ARHGAP28: variants seen among roughly 807,000 people sequenced by gnomAD.
The protein encoded by ARHGAP28 is Rho GTPase activating protein 28, also known as rho GTPase-activating protein 28.
ARHGAP28 carries 56 observed loss-of-function variants against 90.7 expected under a neutral mutation model. The observed-to-expected ratio is 0.62, with a 90% CI of 0.50 to 0.77. The LOEUF (loss-of-function observed/expected upper bound fraction) is 0.77, where lower values mean the gene tolerates loss of function less well. Among genes scored for constraint, ARHGAP28 ranks in the 30% least tolerant of loss-of-function variants. The pLI, the probability that ARHGAP28 is intolerant of heterozygous loss-of-function variation, is 0.00. For synonymous variants in ARHGAP28, 308 were observed against 323.3 expected, an observed-to-expected ratio of 0.95 and a Z score of 0.51; for missense variants, 869 against 900.9, an observed-to-expected ratio of 0.96 and a Z score of 0.45.
chr18:6,819,237 T>G (rs774664463), intron 1 of ARHGAP28, among the ~76,000 whole-genome samples: 1 of 152,182 alleles, frequency 6.6e-6, no homozygotes, highest in Admixed American at 6.5e-5. Flanking sequence ...ATATCTGTTA[T>G]GTTTACAATG....
intron 16 of ARHGAP28, among the ~76,000 whole-genome samples, chr18:6,908,088 A>C (rs1360330632): frequency 6.6e-6 from 1 of 151,684 alleles, no homozygotes; most frequent in East Asian, 1.9e-4. Context: ...GTTTCCTGTG[A>C]CTTGCTTTTA....
At chr18:6,833,891 A>C (rs1208792806) in intron 2 of ARHGAP28, among the ~76,000 whole-genome samples, 1 of 152,074 alleles carries the variant, frequency 6.6e-6, no homozygotes. Context: ...TTTTACTGTC[A>C]TTTATTTTGA....
intron 1 of ARHGAP28, among the ~76,000 whole-genome samples, chr18:6,748,237 C>A (rs1455540837): frequency 2.0e-5 from 3 of 152,188 alleles, no homozygotes; most frequent in Non-Finnish European, 1.5e-5. Flanking sequence ...GTTCAACGAA[C>A]CAGTTACTGC....
intron 3 of ARHGAP28, among the ~76,000 whole-genome samples, chr18:6,841,123 C>CTCTCTCTCTCCTCTCTCACTG (rs1567966222): frequency 3.3e-5 from 5 of 149,844 alleles, no homozygotes; most frequent in Non-Finnish European, 7.4e-5. Flanking sequence ...CTTCTCTTCT[C>CTCTCTCTCTCCTCTCTCACTG]TCTCTCTCTC....
intron 1 of ARHGAP28, among the ~76,000 whole-genome samples, chr18:6,773,067 T>C (rs1383869978): frequency 3.3e-5 from 5 of 152,238 alleles, no homozygotes; most frequent in Non-Finnish European, 7.3e-5. Context: ...GCACCTGTAT[T>C]CATTCACTAA....
At chr18:6,860,022 G>A (rs2056985668) in intron 5 of ARHGAP28, 125 bp downstream of exon 5, 3 of 789,240 alleles carry the variant, frequency 3.8e-6, no homozygotes, top group South Asian at 1.9e-5. Flanking sequence ...AAGATTGCAA[G>A]GAAACCACAG....
At chr18:6,792,231 T>C (rs2056411853) in intron 1 of ARHGAP28, among the ~76,000 whole-genome samples, 1 of 152,210 alleles carries the variant, frequency 6.6e-6, no homozygotes, top group Admixed American at 6.6e-5. Flanking sequence ...TCCTCGACTG[T>C]CATGATGGTT....
chr18:6,741,914 C>G (rs7229682), intron 1 of ARHGAP28, among the ~76,000 whole-genome samples: 1 of 152,082 alleles, frequency 6.6e-6, no homozygotes, highest in Non-Finnish European at 1.5e-5. Context: ...ATCCCCCAAT[C>G]GCTTTATTCC....
chr18:6,734,959 A>C (rs2055913399), intron 1 of ARHGAP28, among the ~76,000 whole-genome samples: 1 of 152,208 alleles, frequency 6.6e-6, no homozygotes, highest in African/African-American at 2.4e-5. Context: ...GAGCTGTTGG[A>C]AAACATCTGG....
chr18:6,803,921 G>A (rs1015506733), intron 1 of ARHGAP28, among the ~76,000 whole-genome samples: 3 of 152,064 alleles, frequency 2.0e-5, no homozygotes, highest in Non-Finnish European at 4.4e-5. Flanking sequence ...TGGGACTACA[G>A]GCGCCTCCCA....
chr18:6,860,552 A>G (rs996345829), intron 5 of ARHGAP28, among the ~76,000 whole-genome samples: 3 of 152,198 alleles, frequency 2.0e-5, no homozygotes, highest in Non-Finnish European at 4.4e-5. Context: ...ATTGTTTTCC[A>G]GTGGCTGGTT....
chr18:6,826,901 T>G (rs9958278), intron 2 of ARHGAP28, among the ~76,000 whole-genome samples: 8,850 of 152,026 alleles, frequency 0.058, 271 homozygotes, highest in African/African-American at 0.076. Context: ...CAACGAGCAC[T>G]CTGCCTTCAA....
At position 6,870,645 on chromosome 18, in the gene ARHGAP28, AGT is replaced by A. The variant is rs1400238379; in HGVS notation, c.870_871del (p.Ser291LeufsTer13). ...PPEAEELSFEVSYSEMVTEAL... is the reference protein window; with the variant it reads ...PPEAEELSFEXSYSEMVTEAL... ...CAGAGGCTGAAGAGCTGTCATTTGA[AGT>A]GTCTTATTCAGAAATGGTTACGGAG... is the stretch of plus-strand genomic sequence containing the variant. On this transcript the variant is annotated frameshift_variant, in exon 7 of 18. Coordinates refer to ENST00000383472, the MANE Select transcript of ARHGAP28 (RefSeq NM_001366230.1). LOFTEE classifies it high-confidence loss of function. 4.3e-6 allele frequency: 7 copies of A among 1,612,966 alleles called. No homozygotes were observed. The highest frequency in any genetic ancestry group is 5.9e-6 in the Non-Finnish European group (7 of 1,179,266).
At chr18:6,741,349 G>A (rs13381524) in intron 1 of ARHGAP28, among the ~76,000 whole-genome samples, 41,263 of 151,990 alleles carry the variant, frequency 0.27, 6,438 homozygotes, top group South Asian at 0.33. Context: ...CTTGGCAACT[G>A]TTTTCATAAA....
intron 4 of ARHGAP28, among the ~76,000 whole-genome samples, chr18:6,856,094 G>C (rs72883092): frequency 0.055 from 8,339 of 152,280 alleles, 526 homozygotes; most frequent in African/African-American, 0.16. Flanking sequence ...CTCAGACAAA[G>C]GCACCACCTG....
At chr18:6,748,537 A>G (rs2056043484) in intron 1 of ARHGAP28, among the ~76,000 whole-genome samples, 1 of 152,138 alleles carries the variant, frequency 6.6e-6, no homozygotes, top group South Asian at 2.1e-4. Flanking sequence ...TGTGGCTTGG[A>G]TGTTTCTGGC....
At chr18:6,803,834 A>G (rs1203472139) in intron 1 of ARHGAP28, among the ~76,000 whole-genome samples, 1 of 151,896 alleles carries the variant, frequency 6.6e-6, no homozygotes, top group Non-Finnish European at 1.5e-5. Flanking sequence ...GCTGGAGTGC[A>G]GTGGCGCGAT....
chr18:6,909,057 TTC>T (rs2057379859), intron 17 of ARHGAP28, 33 bp downstream of exon 17: 1 of 1,152,228 alleles, frequency 8.7e-7, no homozygotes. Context: ...TACTGCTAAA[TTC>T]TCTGATTACT....
At position 6,873,714 on chromosome 18, in the gene ARHGAP28, T is replaced by C; in HGVS notation, c.1151T>C (p.Val384Ala). The change falls in exon 9 of 18, where the codon GTC becomes GCC. Residue 384 changes from valine (V) to alanine (A), a missense_variant. By Grantham distance (64) the Val-to-Ala change is moderately conservative. Transcript: ENST00000383472. ...GGGATTTTTGGAGTTCCACTTACAGTCCTCCTGGACGGTGACCGAAAGAAA... is the reference window on the plus strand; with the variant it reads ...GGGATTTTTGGAGTTCCACTTACAGCCCTCCTGGACGGTGACCGAAAGAAA... ...DNGIFGVPLT[V>A]LLDGDRKKDP... 1 of 1,613,862 alleles carries C rather than the reference T, an allele frequency of 6.2e-7. No individual in the cohort carries two copies. The highest frequency in any genetic ancestry group is 1.7e-5 in the Admixed American group (1 of 59,978).
Sources: allele counts gnomAD v4.1 joint callset (sites outside exome capture counted in the v4.1 genomes callset), GRCh38; gene constraint gnomAD v4.1.1; transcripts MANE v1.5; gene names NCBI Gene and HGNC (gene_info 2026-07-23, HGNC 2026-07-21).